TMEM43: variants seen among roughly 807,000 people sequenced by gnomAD.
TMEM43 encodes transmembrane protein 43.
A neutral mutation model predicts 49.6 loss-of-function variants in TMEM43; 45 were observed. The observed-to-expected ratio is 0.91, with a 90% CI of 0.71 to 1.16. The LOEUF (loss-of-function observed/expected upper bound fraction) is 1.16. TMEM43 is among the 50% of genes most tolerant of loss of function. The probability of loss-of-function intolerance (pLI) is 0.00; values close to 1 mark genes in which losing one functional copy is unlikely to be tolerated. For missense variants in TMEM43, 532 were observed against 516.6 expected (o/e 1.03, Z -0.29); for synonymous variants, 199 against 207.8 (o/e 0.96, Z 0.36).
At chr3:14,130,985 C>T in intron 3 of TMEM43, 29 bp downstream of exon 3, 1 of 1,599,882 alleles carries the variant, frequency 6.3e-7, no homozygotes, top group Non-Finnish European at 8.5e-7. Flanking sequence ...GCTGACCTGC[C>T]AGTGGCTCGG....
At chr3:14,132,704 C>T in intron 5 of TMEM43, 109 bp downstream of exon 5, 2 of 1,435,318 alleles carry the variant, frequency 1.4e-6, no homozygotes, top group Non-Finnish European at 2.0e-6. Flanking sequence ...CACCAGGCAT[C>T]AGGATCCCTG....
intron 8 of TMEM43, 63 bp downstream of exon 8, chr3:14,134,954 G>A (rs1559361822): frequency 9.9e-6 from 16 of 1,610,098 alleles, no homozygotes; most frequent in South Asian, 3.3e-5. Context: ...AGGTTCCTGC[G>A]CCAGGCAGAT....
chr3:14,133,642 C>G lies in TMEM43; in HGVS notation c.513-97C>G, dbSNP rs1277792911. 7.1e-6 allele frequency: 8 copies of G among 1,128,748 alleles called. No homozygotes were observed. The South Asian group carries it at 8.6e-5, about 12-fold the overall frequency. 69.9% of individuals were successfully genotyped at this position (1,128,748 alleles called of 1,614,324 possible). A position where few individuals can be genotyped will look rare whatever the true frequency, so the allele number is the denominator to read the frequency against. On this transcript the variant is annotated intron_variant, in intron 6 of 11. Coordinates refer to ENST00000306077, the MANE Select transcript of TMEM43 (RefSeq NM_024334.3). ...CTGGGCTAATCTGGACTTGCAGGAA[C>G]CCCCGGGTGGGGACCCTGCCCAGCA... is the stretch of plus-strand genomic sequence containing the variant.
chr3:14,125,073 T>A lies in TMEM43; in HGVS notation c.-121T>A. 7.6e-7 allele frequency: 1 copy of A among 1,308,492 alleles called. No individual in the cohort carries two copies. Among genetic ancestry groups the A allele is most frequent in the Non-Finnish European group, 1.1e-6 (1 of 927,976 alleles). The allele number at this position is 1,308,492 out of a possible 1,614,324, so 81.1% of individuals were successfully genotyped here. ...AACTGCAGTAAGTCCCGCTTGGCCC[T>A]GGAGTCCACGCGGATTTTCGAAGCT... On this transcript the variant is annotated 5_prime_UTR_variant, in exon 1 of 12. Coordinates refer to ENST00000306077, the MANE Select transcript of TMEM43 (RefSeq NM_024334.3).
At chr3:14,134,681 G>C in intron 7 of TMEM43, 89 bp from the exon 8 acceptor site, 1 of 1,564,674 alleles carries the variant, frequency 6.4e-7, no homozygotes, top group Non-Finnish European at 8.8e-7. Context: ...AGGCTCCAGG[G>C]GTGCAGTGGA....
chr3:14,130,010 C>T (rs1421910822), intron 2 of TMEM43, among the ~76,000 whole-genome samples: 3 of 149,354 alleles, frequency 2.0e-5, no homozygotes, highest in Non-Finnish European at 3.0e-5. Context: ...TCCTTTCTTT[C>T]CCCTCCCTCC....
chr3:14,134,184 C>G (rs1695137248), intron 7 of TMEM43, among the ~76,000 whole-genome samples: 1 of 152,230 alleles, frequency 6.6e-6, no homozygotes, highest in African/African-American at 2.4e-5. Flanking sequence ...AGGGCTCCCC[C>G]TCTCTGAGTT....
intron 10 of TMEM43, 166 bp downstream of exon 10, chr3:14,136,074 G>T (rs1302528612): frequency 3.3e-5 from 24 of 736,756 alleles, no homozygotes; most frequent in Non-Finnish European, 5.5e-5. Context: ...TTGACCAGGA[G>T]TGTTTCAGAT....
At position 14,142,578 on chromosome 3, in the gene TMEM43, T is replaced by C. The variant is rs1398876504; in HGVS notation, c.*783T>C. ...TTTAAAAACAAAACAAAAAAAACACTTAATATTTCAGACTGTTACAGGAAA... is the reference window on the plus strand; with the variant it reads ...TTTAAAAACAAAACAAAAAAAACACCTAATATTTCAGACTGTTACAGGAAA... On this transcript the variant is annotated 3_prime_UTR_variant, in exon 12 of 12. Transcript: ENST00000306077. 2.6e-5 allele frequency: 4 copies of C among 152,616 alleles called. No homozygotes were observed. Among genetic ancestry groups the C allele is most frequent in the African/African-American group, 9.7e-5 (4 of 41,448 alleles). The allele number at this position is 152,616 out of a possible 1,614,324, so 9.5% of individuals were successfully genotyped here.
At position 14,135,153 on chromosome 3, in the gene TMEM43, C is replaced by G. The variant is rs752989481; in HGVS notation, c.706-5C>G. On this transcript the variant is annotated splice_region_variant and splice_polypyrimidine_tract_variant and intron_variant, in intron 8 of 11. Transcript: ENST00000306077. ...TCACTCTCCCTGCTTCTCTTCCACC[C>G]CCAGGTGGGAGACTTGCGTGTCTCC... is the stretch of plus-strand genomic sequence containing the variant. 6.2e-7 allele frequency: 1 copy of G among 1,611,344 alleles called. No homozygotes were observed. Among genetic ancestry groups the G allele is most frequent in the South Asian group, 1.1e-5 (1 of 91,064 alleles).
rs758981622 is a variant in TMEM43, at chr3:14,141,626, A to G, written c.1034A>G (p.Asn345Ser). ...DWFPVFRDLV[N>S]IGLKAFAFCV... ...TTTCCTGTTTTCCGAGACCTGGTCAACATTGGCCTGAAAGCCTTTGCCTTC... is the reference window on the plus strand; with the variant it reads ...TTTCCTGTTTTCCGAGACCTGGTCAGCATTGGCCTGAAAGCCTTTGCCTTC... The change falls in exon 12 of 12, where the codon AAC becomes AGC. Residue 345 changes from asparagine (N) to serine (S), a missense_variant. By Grantham distance (46) the Asn-to-Ser change is conservative. Coordinates refer to ENST00000306077, the MANE Select transcript of TMEM43 (RefSeq NM_024334.3). The G allele has an allele frequency of 9.9e-6, 16 of 1,614,184 alleles. No individual in the cohort carries two copies. The highest frequency in any genetic ancestry group is 1.4e-5 in the Non-Finnish European group (16 of 1,180,028).
Position 14,132,946 on chromosome 3 carries a change from G to C in TMEM43, c.512+11G>C. Reference sequence around the variant, plus strand: ...CCACAAAAACCCCAGGTGAGAGCCAGGCCCAAGGCCTGAGTGCAGCTTTGT... The same window carrying C: ...CCACAAAAACCCCAGGTGAGAGCCACGCCCAAGGCCTGAGTGCAGCTTTGT... On this transcript the variant is annotated intron_variant, in intron 6 of 11. Coordinates refer to ENST00000306077, the MANE Select transcript of TMEM43 (RefSeq NM_024334.3). 6.2e-7 allele frequency: 1 copy of C among 1,611,450 alleles called. No individual in the cohort carries two copies. The highest frequency in any genetic ancestry group is 8.5e-7 in the Non-Finnish European group (1 of 1,177,774).
At chr3:14,134,744 G>A in intron 7 of TMEM43, 26 bp from the exon 8 acceptor site, 1 of 1,613,914 alleles carries the variant, frequency 6.2e-7, no homozygotes, top group South Asian at 1.1e-5. Flanking sequence ...GGTCCCCTGG[G>A]TTTCTAACCA....
Position 14,141,909 on chromosome 3 carries a change from C to T in TMEM43, c.*114C>T. 7 of 1,087,452 alleles carry T rather than the reference C, an allele frequency of 6.4e-6. No homozygotes were observed. Among genetic ancestry groups the T allele is most frequent in the South Asian group, 1.5e-5 (1 of 66,542 alleles). The allele number at this position is 1,087,452 out of a possible 1,614,324, so 67.4% of individuals were successfully genotyped here. A position where few individuals can be genotyped will look rare whatever the true frequency, so the allele number is the denominator to read the frequency against. ...GCCCCGGTCAATTTTGGACTCTGCA[C>T]TCCCTCTCCTCTTCAGGGGCCAGAC... On this transcript the variant is annotated 3_prime_UTR_variant, in exon 12 of 12. Transcript: ENST00000306077.
rs2124987912 is a variant in TMEM43, at chr3:14,131,651, A to G, written c.369A>G (p.Gln123=). 1 of 1,614,096 alleles carries G rather than the reference A, an allele frequency of 6.2e-7. No individual in the cohort carries two copies. Among genetic ancestry groups the G allele is most frequent in the Non-Finnish European group, 8.5e-7 (1 of 1,179,952 alleles). The change falls in exon 4 of 12, where the codon CAA becomes CAG. Residue 123 remains glutamine, a synonymous_variant. Coordinates refer to ENST00000306077, the MANE Select transcript of TMEM43 (RefSeq NM_024334.3). ...VKLRRHVEMY[Q]WVETEESREY... The stretch of plus-strand genomic sequence containing the variant: ...TGCGGAGGCACGTGGAGATGTACCA[A>G]TGGGTAGAAACTGAGGAGTCCAGGT...
chr3:14,134,855 CTT>C lies in TMEM43; in HGVS notation c.673_674del (p.Phe225LeufsTer27), dbSNP rs1559361774. 5 of 1,614,188 alleles carry C rather than the reference CTT, an allele frequency of 3.1e-6. No individual in the cohort carries two copies. Among genetic ancestry groups the C allele is most frequent in the African/African-American group, 2.7e-5 (2 of 75,066 alleles). ...PHVDIIRRGD[F>X]FYHSENPKYP... is the part of the protein sequence containing the mutation. ...ATGTGGACATCATTCGCCGTGGAGACTTTTTCTACCACAGCGAAAATCCCAAG... is the reference window on the plus strand; with the variant it reads ...ATGTGGACATCATTCGCCGTGGAGACTTTCTACCACAGCGAAAATCCCAAG... On this transcript the variant is annotated frameshift_variant, in exon 8 of 12. Coordinates refer to ENST00000306077, the MANE Select transcript of TMEM43 (RefSeq NM_024334.3). LOFTEE classifies it high-confidence loss of function.
At chr3:14,128,960 C>G in intron 1 of TMEM43, 1 of 456,502 alleles carries the variant, frequency 2.2e-6, no homozygotes, top group South Asian at 1.5e-5. Flanking sequence ...GGAACAAATT[C>G]CTGATAAACA....
chr3:14,129,860 C>T (rs189390169), intron 2 of TMEM43, among the ~76,000 whole-genome samples: 1 of 152,246 alleles, frequency 6.6e-6, no homozygotes, highest in Non-Finnish European at 1.5e-5. Flanking sequence ...TCATCTTTTG[C>T]CTGTTTTTCT....
intron 10 of TMEM43, chr3:14,138,040 A>G (rs1005612167): frequency 6.6e-6 from 1 of 152,218 alleles, no homozygotes. Context: ...GACAGTATCA[A>G]ATAAATGGTG....
Sources: gnomAD v4.1 joint callset for allele counts (sites outside exome capture counted in the v4.1 genomes callset) on GRCh38, gnomAD v4.1.1 for gene constraint, MANE v1.5 for transcripts, NCBI Gene and HGNC (gene_info 2026-07-23, HGNC 2026-07-21) for gene names.